RERE: variants seen among roughly 807,000 people sequenced by gnomAD.
The protein encoded by RERE is arginine-glutamic acid dipeptide repeats, also known as arginine-glutamic acid dipeptide repeats protein.
RERE carries 40 observed loss-of-function variants against 146.1 expected under a neutral mutation model. The observed-to-expected ratio is 0.27, with a 90% CI of 0.21 to 0.36. RERE has a LOEUF of 0.36. Among genes scored for constraint, RERE ranks in the 10% least tolerant of loss-of-function variants. The probability of loss-of-function intolerance (pLI) is 1.00; values close to 1 mark genes in which losing one functional copy is unlikely to be tolerated. For synonymous variants in RERE, 1,003 were observed against 866.0 expected (o/e 1.16, Z -2.78); for missense variants, 1,933 against 2,138.7 (o/e 0.90, Z 1.90).
chr1:8,396,127 G>C (rs1461778030), intron 12 of RERE, among the ~76,000 whole-genome samples: 3 of 152,158 alleles, frequency 2.0e-5, no homozygotes, highest in Non-Finnish European at 4.4e-5. Context: ...GAACAACTGA[G>C]CAGAGATCAT....
At position 8,675,738 on chromosome 1, in the gene RERE, T is replaced by TACATAC. The variant is rs141130300; in HGVS notation, c.-144-19298_-144-19297insGTATGT. On this transcript the variant is annotated intron_variant, in intron 1 of 22. Transcript: ENST00000400908. The stretch of plus-strand genomic sequence containing the variant: ...AACTCCGACTCAAAATACATACATA[T>TACATAC]ATACATACATACATACATACATACA... Among the ~76,000 whole-genome samples, 15 of 147,892 alleles carry TACATAC rather than the reference T, an allele frequency of 1.0e-4. No individual in the cohort carries two copies. In the South Asian group the frequency reaches 1.5e-3, roughly 15 times the overall value.
intron 1 of RERE, among the ~76,000 whole-genome samples, chr1:8,689,010 G>C (rs1228018349): frequency 6.6e-6 from 1 of 151,870 alleles, no homozygotes; most frequent in Non-Finnish European, 1.5e-5. Context: ...AAATGAGTGA[G>C]CTATCTCGTA....
chr1:8,369,396 T>C (rs926641303), intron 12 of RERE, among the ~76,000 whole-genome samples: 2 of 151,746 alleles, frequency 1.3e-5, no homozygotes, highest in Non-Finnish European at 2.9e-5. Context: ...AACTTTTTGT[T>C]GACACTTAAA....
chr1:8,470,444 G>A (rs751278402), intron 10 of RERE, among the ~76,000 whole-genome samples: 32 of 152,022 alleles, frequency 2.1e-4, no homozygotes, highest in Non-Finnish European at 4.3e-4. Context: ...TGTATTTTTA[G>A]TAGAGATGGG....
At chr1:8,722,584 C>T (rs751348066) in intron 1 of RERE, among the ~76,000 whole-genome samples, 14 of 152,164 alleles carry the variant, frequency 9.2e-5, no homozygotes, top group East Asian at 1.9e-4. Flanking sequence ...CAACCAACCA[C>T]GGACTGAAAA....
At chr1:8,581,603 T>C (rs1439513886) in intron 4 of RERE, among the ~76,000 whole-genome samples, 1 of 152,218 alleles carries the variant, frequency 6.6e-6, no homozygotes, top group Non-Finnish European at 1.5e-5. Flanking sequence ...CAATGATCCA[T>C]CTCAAATTAA....
intron 8 of RERE, among the ~76,000 whole-genome samples, chr1:8,501,797 C>A (rs556033271): frequency 2.4e-5 from 3 of 126,866 alleles, no homozygotes; most frequent in Admixed American, 2.3e-4. Context: ...CCGCCCCGAC[C>A]GGGAGGTGAG....
In RERE at chr1:8,362,988, C is replaced by T. The variant is rs1641649581; in HGVS notation, c.1741-144G>A. ...CAGACCTTGGCAAACAACAGGCCGC[C>T]CTGCCTGTCCCTGGCTGCATGAAGG... is the stretch of plus-strand genomic sequence containing the variant. On this transcript the variant is annotated intron_variant, in intron 15 of 22. Coordinates refer to ENST00000400908, the MANE Select transcript of RERE (RefSeq NM_001042681.2). 4 of 815,020 alleles carry T rather than the reference C, an allele frequency of 4.9e-6. No homozygotes were observed. The African/African-American group carries it at 6.9e-5, about 14-fold the overall frequency. 50.5% of individuals were successfully genotyped at this position (815,020 alleles called of 1,614,324 possible). A position where few individuals can be genotyped will look rare whatever the true frequency, so the allele number is the denominator to read the frequency against.
At chr1:8,548,426 T>C (rs971344747) in intron 6 of RERE, among the ~76,000 whole-genome samples, 16 of 152,046 alleles carry the variant, frequency 1.1e-4, no homozygotes, top group African/African-American at 3.9e-4. Flanking sequence ...TGAACCTAAA[T>C]GTATTACAAA....
intron 10 of RERE, among the ~76,000 whole-genome samples, chr1:8,468,602 A>G (rs746534424): frequency 6.6e-6 from 1 of 152,214 alleles, no homozygotes; most frequent in Non-Finnish European, 1.5e-5. Flanking sequence ...TAAGAAAAGT[A>G]TGAGGCTAGG....
chr1:8,609,569 G>A (rs976089094), intron 4 of RERE, among the ~76,000 whole-genome samples: 13 of 151,996 alleles, frequency 8.6e-5, no homozygotes, highest in Admixed American at 3.3e-4. Flanking sequence ...TACTTAATGG[G>A]GAGTATGCCA....
At chr1:8,720,625 C>A (rs929396691) in intron 1 of RERE, among the ~76,000 whole-genome samples, 1 of 152,024 alleles carries the variant, frequency 6.6e-6, no homozygotes, top group East Asian at 1.9e-4. Flanking sequence ...CGGCAACGGA[C>A]GAGTCGAGTC....
intron 2 of RERE, among the ~76,000 whole-genome samples, chr1:8,655,644 A>G (rs1638263381): frequency 6.6e-6 from 1 of 152,234 alleles, no homozygotes; most frequent in Non-Finnish European, 1.5e-5. Context: ...AGTCTCATTT[A>G]TGATTGAAGA....
chr1:8,805,844 CTTTTTTTTTTTTTTT>C (rs70985526), intron 1 of RERE: 1 of 66,012 alleles, frequency 1.5e-5, no homozygotes, highest in Non-Finnish European at 2.7e-5. Flanking sequence ...AAACAACCTT[CTTTTTTTTTTTTTTT>C]TTTTTTTTTG....
chr1:8,789,300 AAAT>A (rs1242287496), intron 1 of RERE, among the ~76,000 whole-genome samples: 3 of 99,634 alleles, frequency 3.0e-5, no homozygotes, highest in African/African-American at 1.4e-4. Flanking sequence ...AAAAAAAAAA[AAAT>A]ATATATATAT....
intron 1 of RERE, among the ~76,000 whole-genome samples, chr1:8,700,325 T>C (rs1402064681): frequency 6.6e-6 from 1 of 151,514 alleles, no homozygotes; most frequent in Non-Finnish European, 1.5e-5. Context: ...AAAATAAAAA[T>C]AAATGCAGTA....
rs1298424604 is a variant in RERE, at chr1:8,358,739, A to G, written c.3796T>C (p.Ser1266Pro). The change falls in exon 20 of 23, where the codon TCG becomes CCG. Residue 1266 changes from serine (S) to proline (P), a missense_variant. By Grantham distance (74) the Ser-to-Pro change is moderately conservative. Around this residue, in one of 11 missense-constraint regions of RERE, gnomAD observed 1,255 missense variants for 1,153.8 expected, o/e 1.09. Transcript: ENST00000400908. Reference protein sequence around the residue: ...LSEYARPHVMSPTNRNHPFYM... With the variant: ...LSEYARPHVMPPTNRNHPFYM... The stretch of plus-strand genomic sequence containing the variant: ...AAGGGGTGGTTGCGGTTGGTGGGCG[A>G]CATGACGTGGGGCCGGGCGTACTCG... The G allele has an allele frequency of 1.2e-6, 2 of 1,608,730 alleles. No individual in the cohort carries two copies. Among genetic ancestry groups the G allele is most frequent in the Non-Finnish European group, 1.7e-6 (2 of 1,176,900 alleles).
intron 1 of RERE, chr1:8,805,726 C>G (rs1641677947): frequency 6.6e-6 from 1 of 151,392 alleles, no homozygotes; most frequent in Admixed American, 6.6e-5. Flanking sequence ...ACTCAGAAGG[C>G]TGAGGCAGGA....
At chr1:8,625,179 C>T (rs1186301724) in intron 2 of RERE, among the ~76,000 whole-genome samples, 1 of 152,066 alleles carries the variant, frequency 6.6e-6, no homozygotes, top group Non-Finnish European at 1.5e-5. Context: ...GTCTCCTCTC[C>T]AACTCCTGGG....
Sources: allele counts gnomAD v4.1 joint callset (sites outside exome capture counted in the v4.1 genomes callset), GRCh38; gene constraint gnomAD v4.1.1; regional missense constraint gnomAD v4.1.1; transcripts MANE v1.5; gene names NCBI Gene and HGNC (gene_info 2026-07-23, HGNC 2026-07-21).